LRRC3B: variants seen among roughly 807,000 people sequenced by gnomAD.
LRRC3B encodes the protein leucine rich repeat containing 3B.
Under a neutral mutation model 12.8 loss-of-function variants are expected in LRRC3B, and 2 were observed. That is an observed-to-expected ratio of 0.16 (90% confidence interval 0.06 to 0.49). LRRC3B has a LOEUF of 0.49. Ranked by LOEUF, LRRC3B falls within the 20% of genes least tolerant of loss-of-function variation. LRRC3B has a pLI of 0.96. For missense variants in LRRC3B, 189 were observed against 319.4 expected (o/e 0.59, Z 3.11); for synonymous variants, 132 against 122.0 (o/e 1.08, Z -0.54).
intron 1 of LRRC3B, among the ~76,000 whole-genome samples, chr3:26,655,428 G>A (rs567131913): frequency 6.6e-6 from 1 of 152,272 alleles, no homozygotes; most frequent in African/African-American, 2.4e-5. Flanking sequence ...TGTTTATGTA[G>A]ACTATTAGTA....
At chr3:26,637,874 A>G (rs924887126) in intron 1 of LRRC3B, among the ~76,000 whole-genome samples, 6 of 152,238 alleles carry the variant, frequency 3.9e-5, no homozygotes, top group Non-Finnish European at 8.8e-5. Flanking sequence ...TACTTTGAAT[A>G]ACACATTTCA....
intron 1 of LRRC3B, among the ~76,000 whole-genome samples, chr3:26,645,179 T>A (rs930309994): frequency 3.3e-5 from 5 of 152,196 alleles, no homozygotes; most frequent in Non-Finnish European, 5.9e-5. Context: ...AATAGACTTT[T>A]TGAGTTAAAG....
intron 1 of LRRC3B, among the ~76,000 whole-genome samples, chr3:26,687,987 C>G (rs575951572): frequency 3.3e-5 from 5 of 152,334 alleles, no homozygotes; most frequent in Admixed American, 3.3e-4. Flanking sequence ...TCAGATTCCT[C>G]CTTGCTTTGG....
At chr3:26,667,924 T>A (rs1022183965) in intron 1 of LRRC3B, among the ~76,000 whole-genome samples, 1 of 151,842 alleles carries the variant, frequency 6.6e-6, no homozygotes, top group Non-Finnish European at 1.5e-5. Flanking sequence ...TTTTATTTTA[T>A]TTTTTTATTT....
At chr3:26,653,529 A>G (rs573338820) in intron 1 of LRRC3B, among the ~76,000 whole-genome samples, 4 of 152,294 alleles carry the variant, frequency 2.6e-5, no homozygotes, top group Admixed American at 6.5e-5. Context: ...AAGCTGAGAG[A>G]GATGAAGTAT....
chr3:26,677,444 C>T (rs1699883367), intron 1 of LRRC3B, among the ~76,000 whole-genome samples: 1 of 152,192 alleles, frequency 6.6e-6, no homozygotes, highest in South Asian at 2.1e-4. Context: ...TCGACTTGCA[C>T]TGCTGCCAGG....
intron 1 of LRRC3B, among the ~76,000 whole-genome samples, chr3:26,701,618 C>G (rs1700456776): frequency 6.6e-6 from 1 of 152,074 alleles, no homozygotes; most frequent in African/African-American, 2.4e-5. Context: ...TTGACAAACT[C>G]TGGGAGTGTA....
intron 1 of LRRC3B, among the ~76,000 whole-genome samples, chr3:26,671,413 G>GAGAGAGAGGGAGAGAGAGAGAC (rs9331540): frequency 7.0e-5 from 7 of 99,408 alleles, no homozygotes; most frequent in Admixed American, 2.4e-4. Context: ...GAGAGAGAGA[G>GAGAGAGAGGGAGAGAGAGAGAC]ACGAAGTCTT....
intron 1 of LRRC3B, among the ~76,000 whole-genome samples, chr3:26,637,978 T>C (rs1698939310): frequency 6.6e-6 from 1 of 152,254 alleles, no homozygotes; most frequent in African/African-American, 2.4e-5. Flanking sequence ...TAGTAAGTTA[T>C]GAAGAATCAA....
intron 1 of LRRC3B, chr3:26,701,203 T>C (rs1700444624): frequency 6.6e-6 from 1 of 152,170 alleles, no homozygotes; most frequent in South Asian, 2.1e-4. Flanking sequence ...ATTTAACTGT[T>C]CTCCCCTTCC....
At chr3:26,666,850 C>G (rs1163986387) in intron 1 of LRRC3B, among the ~76,000 whole-genome samples, 2 of 152,092 alleles carry the variant, frequency 1.3e-5, no homozygotes, top group Non-Finnish European at 2.9e-5. Flanking sequence ...CCTTGCTTTT[C>G]ATGACCTTGA....
At chr3:26,680,790 T>C (rs1237604784) in intron 1 of LRRC3B, among the ~76,000 whole-genome samples, 1 of 152,252 alleles carries the variant, frequency 6.6e-6, no homozygotes, top group East Asian at 1.9e-4. Context: ...GACCAAAAGA[T>C]ACAAAGTATA....
chr3:26,699,697 G>A (rs1380993272), intron 1 of LRRC3B, among the ~76,000 whole-genome samples: 2 of 152,180 alleles, frequency 1.3e-5, no homozygotes, highest in African/African-American at 4.8e-5. Flanking sequence ...GGTGAATCTT[G>A]AGAGCCTACA....
chr3:26,634,421 A>T (rs953310401), intron 1 of LRRC3B, among the ~76,000 whole-genome samples: 3 of 152,254 alleles, frequency 2.0e-5, no homozygotes, highest in African/African-American at 7.2e-5. Context: ...TGGGGGAAGA[A>T]AAACGTAGGT....
intron 1 of LRRC3B, among the ~76,000 whole-genome samples, chr3:26,688,922 A>C (rs1417145506): frequency 7.2e-5 from 11 of 152,184 alleles, no homozygotes; most frequent in Non-Finnish European, 1.2e-4. Flanking sequence ...GTCACTTGTA[A>C]ACAGATGTGC....
chr3:26,679,375 C>T (rs1014544460), intron 1 of LRRC3B, among the ~76,000 whole-genome samples: 14 of 152,246 alleles, frequency 9.2e-5, no homozygotes, highest in Non-Finnish European at 1.9e-4. Flanking sequence ...GATGGCCTCA[C>T]CAAGCCGGTC....
rs956953900 is a variant in LRRC3B at position 26,710,336 on chromosome 3, G to A, written c.664G>A (p.Val222Ile). ...GTTCACTATGGTGATCTCATATGTGGTATATTATGTGAGGCAAAATCAGGA... is the reference window on the plus strand; with the variant it reads ...GTTCACTATGGTGATCTCATATGTGATATATTATGTGAGGCAAAATCAGGA... The change falls in exon 2 of 2, where the codon GTA (valine) becomes ATA (isoleucine). Residue 222 changes from valine to isoleucine, a missense_variant. Coordinates refer to ENST00000396641, the Ensembl canonical transcript of LRRC3B. 2.5e-6 allele frequency: 4 copies of A among 1,614,020 alleles called. No individual in the cohort carries two copies. The East Asian group carries it at 6.7e-5, about 27-fold the overall frequency.
chr3:26,638,925 T>C (rs1698961142), intron 1 of LRRC3B, among the ~76,000 whole-genome samples: 2 of 152,154 alleles, frequency 1.3e-5, no homozygotes, highest in African/African-American at 4.8e-5. Flanking sequence ...TGGAAGGGGC[T>C]CATCAGCTAC....
intron 1 of LRRC3B, among the ~76,000 whole-genome samples, chr3:26,655,947 A>G (rs1699363879): frequency 3.3e-5 from 5 of 152,206 alleles, no homozygotes; most frequent in Admixed American, 3.3e-4. Context: ...AGGACTAGTC[A>G]AAATGGTCAT....
Sources: allele counts gnomAD v4.1 joint callset (sites outside exome capture counted in the v4.1 genomes callset), GRCh38; gene constraint gnomAD v4.1.1; transcripts MANE v1.5; gene names NCBI Gene and HGNC (gene_info 2026-07-23, HGNC 2026-07-21).